The following PDE4D variants were observed in gnomAD, a reference collection of about 807,000 sequenced individuals.
PDE4D encodes phosphodiesterase 4D.
Under a neutral mutation model 87.4 loss-of-function variants are expected in PDE4D, and 24 were observed. That is an observed-to-expected ratio of 0.27 (90% CI 0.20 to 0.39). The LOEUF (loss-of-function observed/expected upper bound fraction) is 0.39, where lower values mean the gene tolerates loss of function less well. PDE4D is among the 10% of genes least tolerant of loss of function. PDE4D has a pLI of 1.00. For missense variants in PDE4D, 714 were observed against 1,041.0 expected, an observed-to-expected ratio of 0.69 and a Z score of 4.32; for synonymous variants, 384 against 383.2, an observed-to-expected ratio of 1.00 and a Z score of -0.02.
At chr5:60,215,051 A>G (rs1003244954) in intron 1 of PDE4D, among the ~76,000 whole-genome samples, 12 of 152,190 alleles carry the variant, frequency 7.9e-5, no homozygotes, top group African/African-American at 2.9e-4. Context: ...CCAGATTTTA[A>G]TTTATGAGGT....
At chr5:60,493,825 C>A (rs973632015) in intron 1 of PDE4D, among the ~76,000 whole-genome samples, 14 of 152,098 alleles carry the variant, frequency 9.2e-5, no homozygotes, top group African/African-American at 2.9e-4. Context: ...TCACTAGAAA[C>A]CCCTTCCTAG....
chr5:59,521,235 A>G (rs1416993579), intron 1 of PDE4D, among the ~76,000 whole-genome samples: 1 of 152,172 alleles, frequency 6.6e-6, no homozygotes, highest in Non-Finnish European at 1.5e-5. Flanking sequence ...ATAGACCTGG[A>G]AGAAAGGTGG....
chr5:59,830,842 C>G (rs1047633085), intron 1 of PDE4D, among the ~76,000 whole-genome samples: 4 of 151,970 alleles, frequency 2.6e-5, no homozygotes, highest in Non-Finnish European at 5.9e-5. Context: ...TTTTTCTTTT[C>G]TAACTATAGA....
At chr5:59,704,801 A>C (rs1044998292) in intron 1 of PDE4D, among the ~76,000 whole-genome samples, 1 of 152,226 alleles carries the variant, frequency 6.6e-6, no homozygotes, top group Non-Finnish European at 1.5e-5. Flanking sequence ...TTTGACTAAG[A>C]GACAATGTAG....
chr5:60,458,386 C>CAAAAAAAAAAAA (rs61006284), intron 1 of PDE4D, among the ~76,000 whole-genome samples: 1 of 75,182 alleles, frequency 1.3e-5, no homozygotes, highest in African/African-American at 5.6e-5. Context: ...GACTTCATTG[C>CAAAAAAAAAAAA]AAAAAAAAAA....
chr5:59,553,476 C>T (rs1440726535), intron 1 of PDE4D, among the ~76,000 whole-genome samples: 1 of 152,138 alleles, frequency 6.6e-6, no homozygotes. Flanking sequence ...CAGGGCTCCC[C>T]TTCCTCATAA....
intron 2 of PDE4D, among the ~76,000 whole-genome samples, chr5:60,183,311 G>C (rs1231254665): frequency 2.0e-5 from 3 of 152,190 alleles, no homozygotes; most frequent in African/African-American, 7.2e-5. Flanking sequence ...CTGATGCCTT[G>C]ATTTTATATT....
At chr5:60,259,133 T>C (rs938667453) in intron 1 of PDE4D, among the ~76,000 whole-genome samples, 3 of 152,092 alleles carry the variant, frequency 2.0e-5, no homozygotes, top group African/African-American at 7.2e-5. Flanking sequence ...TTTCAACATT[T>C]ATTGAGTTCT....
chr5:60,512,754 G>A (rs1486051398), intron 1 of PDE4D, among the ~76,000 whole-genome samples: 2 of 152,124 alleles, frequency 1.3e-5, no homozygotes, highest in Non-Finnish European at 2.9e-5. Context: ...CAGCTTTCAC[G>A]TACTCAAGGA....
At chr5:59,924,801 G>A (rs992225030) in intron 3 of PDE4D, among the ~76,000 whole-genome samples, 14 of 152,018 alleles carry the variant, frequency 9.2e-5, no homozygotes, top group Non-Finnish European at 1.6e-4. Flanking sequence ...GCAGAGAAAC[G>A]CAGGATAGTA....
intron 3 of PDE4D, among the ~76,000 whole-genome samples, chr5:59,950,340 CTTG>C (rs1758166600): frequency 6.6e-6 from 1 of 151,988 alleles, no homozygotes; most frequent in African/African-American, 2.4e-5. Flanking sequence ...GGAACTCATA[CTTG>C]TTATCATTAT....
At chr5:60,431,665 CG>C (rs147740038) in intron 1 of PDE4D, among the ~76,000 whole-genome samples, 8,417 of 152,020 alleles carry the variant, frequency 0.055, 362 homozygotes, top group Middle Eastern at 0.1. Context: ...ACTTCCCAGA[CG>C]GGGTGGCAGC....
At chr5:59,852,109 C>A (rs1186705291) in intron 1 of PDE4D, among the ~76,000 whole-genome samples, 1 of 152,002 alleles carries the variant, frequency 6.6e-6, no homozygotes, top group African/African-American at 2.4e-5. Flanking sequence ...GAATGAGACT[C>A]TTGGGAACCA....
chr5:60,337,568 A>G (rs1054299512), intron 1 of PDE4D, among the ~76,000 whole-genome samples: 2 of 151,474 alleles, frequency 1.3e-5, no homozygotes, highest in Non-Finnish European at 2.9e-5. Context: ...AACTTATAGA[A>G]CTCTACAATA....
chr5:60,475,639 G>C (rs1052176036), intron 1 of PDE4D, among the ~76,000 whole-genome samples: 1 of 151,986 alleles, frequency 6.6e-6, no homozygotes, highest in African/African-American at 2.4e-5. Flanking sequence ...AGCAAGTATT[G>C]ATTAATGTCT....
chr5:60,511,591 G>A (rs1460504601), intron 1 of PDE4D, among the ~76,000 whole-genome samples: 2 of 150,950 alleles, frequency 1.3e-5, no homozygotes, highest in Non-Finnish European at 3.0e-5. Context: ...TTCCCACTTC[G>A]TTTATTCTTA....
intron 1 of PDE4D, among the ~76,000 whole-genome samples, chr5:59,240,461 C>T (rs890372643): frequency 6.6e-6 from 1 of 152,122 alleles, no homozygotes; most frequent in African/African-American, 2.4e-5. Context: ...TTTCCTTCAG[C>T]CTTCATAGTT....
chr5:60,450,004 T>C (rs1252163567), intron 1 of PDE4D, among the ~76,000 whole-genome samples: 1 of 149,304 alleles, frequency 6.7e-6, no homozygotes, highest in Non-Finnish European at 1.5e-5. Flanking sequence ...TTAAAATATA[T>C]AGAACTATAT....
rs11448342 is a variant in PDE4D at position 59,103,490 on chromosome 5, C to CAA, written c.809-64521_809-64520dup. Among the ~76,000 whole-genome samples, 703 of 142,404 alleles carry CAA rather than the reference C, an allele frequency of 4.9e-3. 3 individuals are homozygous for CAA. Among genetic ancestry groups the CAA allele is most frequent in the African/African-American group, 7.4e-3 (288 of 38,906 alleles). The allele number at this position is 142,404 out of a possible 152,430, so 93.4% of individuals were successfully genotyped here. A position where few individuals can be genotyped will look rare whatever the true frequency, so the allele number is the denominator to read the frequency against. On this transcript the variant is annotated intron_variant, in intron 5 of 14. Transcript: ENST00000340635. ...TGGATTTCTTCCAGTCTTAAAAAAG[C>CAA]AAAAAAAAAAAAGATTTGACAATAG...
Sources: gnomAD v4.1 joint callset for allele counts (sites outside exome capture counted in the v4.1 genomes callset) on GRCh38, gnomAD v4.1.1 for gene constraint, MANE v1.5 for transcripts, NCBI Gene and HGNC (gene_info 2026-07-23, HGNC 2026-07-21) for gene names.